Variants in NEO1 observed in about 807,000 individuals in gnomAD.
NEO1 encodes the protein neogenin.
In NEO1, 63 loss-of-function variants were observed where a neutral mutation model predicts 159.7. The observed-to-expected ratio is 0.39, with a 90% CI of 0.32 to 0.49. NEO1 has a LOEUF of 0.49. Among genes scored for constraint, NEO1 ranks in the 20% least tolerant of loss-of-function variants. The pLI is 0.85. For missense variants in NEO1, 1,615 were observed against 1,831.0 expected (o/e 0.88, Z 2.15); for synonymous variants, 633 against 662.0 (o/e 0.96, Z 0.67).
intron 7 of NEO1, among the ~76,000 whole-genome samples, chr15:73,198,811 A>G (rs1022806446): frequency 4.6e-5 from 7 of 151,924 alleles, no homozygotes; most frequent in African/African-American, 1.7e-4. Flanking sequence ...TTTTCTGTCT[A>G]TATTGTTAAG....
At chr15:73,278,085 C>A (rs1217910261) in intron 21 of NEO1, 46 bp from the exon 22 acceptor site, 5 of 1,554,502 alleles carry the variant, frequency 3.2e-6, no homozygotes, top group Non-Finnish European at 1.8e-6. Flanking sequence ...TGGACTGTCA[C>A]GCCAAATGTG....
At chr15:73,115,044 C>T (rs1194718545) in intron 1 of NEO1, among the ~76,000 whole-genome samples, 9 of 151,798 alleles carry the variant, frequency 5.9e-5, no homozygotes, top group Non-Finnish European at 1.0e-4. Context: ...GCATAGAGAC[C>T]TGAAACACTT....
intron 1 of NEO1, among the ~76,000 whole-genome samples, chr15:73,087,226 T>C (rs2069416189): frequency 6.6e-6 from 1 of 152,242 alleles, no homozygotes; most frequent in South Asian, 2.1e-4. Flanking sequence ...AGTTGAATTT[T>C]GTCAAATACA....
At chr15:73,088,087 AC>A (rs2069464573) in intron 1 of NEO1, among the ~76,000 whole-genome samples, 1 of 152,072 alleles carries the variant, frequency 6.6e-6, no homozygotes, top group African/African-American at 2.4e-5. Context: ...TAAAATAGGT[AC>A]CTTAAAAAGT....
At chr15:73,189,199 G>A (rs1179421949) in intron 7 of NEO1, among the ~76,000 whole-genome samples, 3 of 152,146 alleles carry the variant, frequency 2.0e-5, no homozygotes, top group East Asian at 1.9e-4. Context: ...CATATGTTTA[G>A]AAATACAGTT....
At chr15:73,217,304 C>T in intron 7 of NEO1, among the ~76,000 whole-genome samples, 1 of 148,400 alleles carries the variant, frequency 6.7e-6, no homozygotes, top group Non-Finnish European at 1.5e-5. Flanking sequence ...TGTTTTGGTA[C>T]CAGTACCATG....
At chr15:73,277,619 G>A (rs2041478752) in intron 21 of NEO1, among the ~76,000 whole-genome samples, 1 of 152,128 alleles carries the variant, frequency 6.6e-6, no homozygotes. Context: ...TTAGCTTAGG[G>A]TAACTTTATA....
chr15:73,113,958 A>G (rs1382203244), intron 1 of NEO1, among the ~76,000 whole-genome samples: 1 of 152,190 alleles, frequency 6.6e-6, no homozygotes, highest in African/African-American at 2.4e-5. Flanking sequence ...GAAAGAAATT[A>G]TAGAGAAAAT....
chr15:73,278,467 T>TA (rs1031394739), intron 22 of NEO1, among the ~76,000 whole-genome samples: 1 of 152,306 alleles, frequency 6.6e-6, no homozygotes, highest in South Asian at 2.1e-4. Flanking sequence ...AGAAAAGAGT[T>TA]AGAGTTTCGC....
At chr15:73,183,323 T>C (rs1476823503) in intron 7 of NEO1, among the ~76,000 whole-genome samples, 1 of 152,146 alleles carries the variant, frequency 6.6e-6, no homozygotes, top group Non-Finnish European at 1.5e-5. Flanking sequence ...AACCTTCTGA[T>C]TTCATACGTT....
chr15:73,155,179 T>A (rs1482073141), intron 5 of NEO1, among the ~76,000 whole-genome samples: 1 of 152,106 alleles, frequency 6.6e-6, no homozygotes, highest in Non-Finnish European at 1.5e-5. Context: ...TGAATCTTAA[T>A]CTTGCTGGAT....
At chr15:73,065,801 A>G (rs1389110825) in intron 1 of NEO1, among the ~76,000 whole-genome samples, 3 of 152,110 alleles carry the variant, frequency 2.0e-5, no homozygotes, top group African/African-American at 4.8e-5. Flanking sequence ...TTTCTGAATT[A>G]AATTCCATTA....
rs534439659 is a variant in NEO1, at chr15:73,304,257, G to A, written c.*1561G>A. 1.3e-5 allele frequency: 2 copies of A among 152,276 alleles called. No individual in the cohort carries two copies. Among genetic ancestry groups the A allele is most frequent in the African/African-American group, 4.8e-5 (2 of 41,536 alleles). The allele number at this position is 152,276 out of a possible 1,614,324, so 9.4% of individuals were successfully genotyped here. A position where few individuals can be genotyped will look rare whatever the true frequency, so the allele number is the denominator to read the frequency against. On this transcript the variant is annotated 3_prime_UTR_variant, in exon 29 of 29. Transcript: ENST00000261908. ...GGGTTCTTTTTCCTAAAAAGGTAAG[G>A]AGCTGAGGTGTGTGGTTTTTTAATA...
intron 1 of NEO1, among the ~76,000 whole-genome samples, chr15:73,106,599 T>C (rs1342900661): frequency 2.6e-5 from 4 of 152,120 alleles, no homozygotes; most frequent in African/African-American, 9.7e-5. Flanking sequence ...ACTGTCCCTA[T>C]TGGATAGTGC....
intron 7 of NEO1, among the ~76,000 whole-genome samples, chr15:73,185,317 T>A (rs1054759653): frequency 3.3e-5 from 5 of 152,310 alleles, no homozygotes; most frequent in African/African-American, 1.2e-4. Flanking sequence ...GTTATTCAAT[T>A]GTAATAAATG....
intron 27 of NEO1, among the ~76,000 whole-genome samples, chr15:73,299,389 T>C (rs2042513085): frequency 6.6e-6 from 1 of 151,500 alleles, no homozygotes; most frequent in African/African-American, 2.4e-5. Context: ...TATTTTCCTT[T>C]TTTTTTTTTT....
At chr15:73,118,449 C>T (rs1355704543) in intron 2 of NEO1, among the ~76,000 whole-genome samples, 1 of 150,890 alleles carries the variant, frequency 6.6e-6, no homozygotes, top group African/African-American at 2.4e-5. Context: ...ACCCCCGTCC[C>T]CTACATCCAC....
At chr15:73,170,940 T>G (rs576588216) in intron 5 of NEO1, among the ~76,000 whole-genome samples, 74 of 150,406 alleles carry the variant, frequency 4.9e-4, no homozygotes, top group Non-Finnish European at 9.6e-4. Flanking sequence ...AAAAGAGAGA[T>G]AGACACACAT....
chr15:73,268,854 A>T (rs566106926), intron 16 of NEO1, among the ~76,000 whole-genome samples: 2 of 152,336 alleles, frequency 1.3e-5, no homozygotes, highest in East Asian at 3.9e-4. Flanking sequence ...CCATGAGTAT[A>T]GACTTTCCAT....
Sources: allele counts gnomAD v4.1 joint callset (sites outside exome capture counted in the v4.1 genomes callset), GRCh38; gene constraint gnomAD v4.1.1; transcripts MANE v1.5; gene names NCBI Gene and HGNC (gene_info 2026-07-23, HGNC 2026-07-21).